GLIS3: variants seen among roughly 807,000 people sequenced by gnomAD.
GLIS3 encodes the protein GLIS family zinc finger 3, also known as zinc finger protein GLIS3.
A neutral mutation model predicts 78.6 loss-of-function variants in GLIS3; 53 were observed. The observed-to-expected ratio is 0.67, with a 90% confidence interval of 0.54 to 0.85. GLIS3 has a LOEUF of 0.85. Among genes scored for constraint, GLIS3 ranks in the 40% least tolerant of loss-of-function variants. GLIS3 has a pLI of 0.00. For synonymous variants in GLIS3, 684 were observed against 509.9 expected (o/e 1.34, Z -4.60); for missense variants, 1,703 against 1,231.1 (o/e 1.38, Z -5.74).
chr9:4,352,032 C>G (rs1817978210), upstream of GLIS3, among the ~76,000 whole-genome samples: 1 of 152,174 alleles, frequency 6.6e-6, no homozygotes, highest in Non-Finnish European at 1.5e-5. Context: ...TCTAAAATCT[C>G]TTTCTTTTCA....
intron 4 of GLIS3, among the ~76,000 whole-genome samples, chr9:4,041,510 T>C (rs1164092088): frequency 6.6e-6 from 1 of 152,222 alleles, no homozygotes; most frequent in African/African-American, 2.4e-5. Context: ...AATTCTGCCT[T>C]ACCAGAGCTC....
chr9:4,413,195 CAG>C, the GLIS3 span, among the ~76,000 whole-genome samples: 1 of 152,156 alleles, frequency 6.6e-6, no homozygotes, highest in East Asian at 1.9e-4. Context: ...CCCACTAACT[CAG>C]AGATTTTGGA....
chr9:3,931,710 G>T (rs907394841), intron 6 of GLIS3, among the ~76,000 whole-genome samples: 1 of 152,136 alleles, frequency 6.6e-6, no homozygotes, highest in Non-Finnish European at 1.5e-5. Context: ...AAGCCAGGTG[G>T]ACAGGATGGT....
rs796299518 is a variant in GLIS3 at position 3,962,948 on chromosome 9, G to T, written c.1711-25759C>A. 1.1e-3 allele frequency among the ~76,000 whole-genome samples: 66 copies of T among 57,784 alleles called. 1 individual carries two copies. Among genetic ancestry groups the T allele is most frequent in the African/African-American group, 4.9e-3 (55 of 11,126 alleles). The allele number at this position is 57,784 out of a possible 152,430, so 37.9% of individuals were successfully genotyped here. ...CCAACAAGATCTGCTGTGATTTAAG[G>T]GGGGGGGGGGGAGAGAGATTTATTG... On this transcript the variant is annotated intron_variant, in intron 4 of 10. Coordinates refer to ENST00000381971, the MANE Select transcript of GLIS3 (RefSeq NM_001042413.2).
intron 4 of GLIS3, among the ~76,000 whole-genome samples, chr9:4,091,673 G>A (rs556637497): frequency 2.6e-5 from 4 of 152,066 alleles, no homozygotes; most frequent in East Asian, 1.9e-4. Flanking sequence ...CCCTTCGCTC[G>A]ACTCTCACTT....
chr9:4,251,100 G>A (rs1174054285), intron 2 of GLIS3, among the ~76,000 whole-genome samples: 1 of 152,188 alleles, frequency 6.6e-6, no homozygotes, highest in Non-Finnish European at 1.5e-5. Flanking sequence ...GAGGTGGAGA[G>A]TTCTGTAAAT....
In GLIS3 at chr9:4,323,204, G is replaced by C. The variant is rs1372347638; in HGVS notation, n.265-12676C>G. Among the ~76,000 whole-genome samples, 3 of 152,070 alleles carry C rather than the reference G, an allele frequency of 2.0e-5. No individual in the cohort carries two copies. In the East Asian group the frequency reaches 5.8e-4, roughly 29 times the overall value. On this transcript the variant is annotated intron_variant and non_coding_transcript_variant, in intron 2 of 4. Coordinates refer to the GLIS3 transcript ENST00000471664. ...CCCATTGCTTGTTTTTCTCAGGTTTGTCAAAGATCAGATAGTTGTAGATGT... is the reference window on the plus strand; with the variant it reads ...CCCATTGCTTGTTTTTCTCAGGTTTCTCAAAGATCAGATAGTTGTAGATGT...
intron 4 of GLIS3, among the ~76,000 whole-genome samples, chr9:4,075,165 T>C (rs1165226076): frequency 6.8e-6 from 1 of 147,780 alleles, no homozygotes; most frequent in Non-Finnish European, 1.5e-5. Context: ...ACTGTGGCGA[T>C]GGTACCACGA....
intron 4 of GLIS3, among the ~76,000 whole-genome samples, chr9:3,966,744 C>T (rs141345054): frequency 0.022 from 3,343 of 150,822 alleles, 68 homozygotes; most frequent in Middle Eastern, 0.082. Context: ...GCTGAGATCG[C>T]GCCACTGCAC....
chr9:4,485,206 G>T, the GLIS3 span, among the ~76,000 whole-genome samples: 1 of 151,722 alleles, frequency 6.6e-6, no homozygotes, highest in East Asian at 1.9e-4. Context: ...GTAGAGACAG[G>T]GTTTCACCAT....
intron 4 of GLIS3, among the ~76,000 whole-genome samples, chr9:4,306,215 G>A (rs971268448): frequency 6.6e-6 from 1 of 152,080 alleles, no homozygotes; most frequent in Non-Finnish European, 1.5e-5. Context: ...AAGGAGCTGG[G>A]ACTACAGGTG....
In GLIS3 at chr9:3,907,653, C is replaced by CA. The variant is rs1263017597; in HGVS notation, c.1984-8819dup. On this transcript the variant is annotated intron_variant, in intron 6 of 10. Transcript: ENST00000381971. The stretch of plus-strand genomic sequence containing the variant: ...ACACACACACACACACACACACACA[C>CA]ACTACTAAACAGTGCTCCTTTGCCT... Among the ~76,000 whole-genome samples the CA allele has an allele frequency of 6.5e-4, 97 of 150,122 alleles. 1 individual carries two copies. The highest frequency in any genetic ancestry group is 1.0e-3 in the Non-Finnish European group (68 of 67,652).
intron 9 of GLIS3, among the ~76,000 whole-genome samples, chr9:3,850,823 G>A (rs980769279): frequency 3.3e-5 from 5 of 152,058 alleles, no homozygotes; most frequent in East Asian, 1.9e-4. Context: ...TGTCATTTCC[G>A]TTCTCACCTG....
rs147198504 is a variant in GLIS3, at chr9:4,231,994, G to C, written c.388+54044C>G. Among the ~76,000 whole-genome samples the C allele has an allele frequency of 1.3e-3, 192 of 152,216 alleles. 1 individual carries two copies. Among genetic ancestry groups the C allele is most frequent in the Non-Finnish European group, 1.6e-3 (109 of 68,006 alleles). ...CTTTTTTTGGGTAACCAGAAAGCAA[G>C]AAAAATAATTTCACTCAACATTTAG... On this transcript the variant is annotated intron_variant, in intron 2 of 10. Transcript: ENST00000381971.
chr9:4,056,088 T>C (rs528851504), intron 4 of GLIS3, among the ~76,000 whole-genome samples: 4 of 152,328 alleles, frequency 2.6e-5, no homozygotes, highest in African/African-American at 9.6e-5. Context: ...ATTGTAGGCA[T>C]CATCCAGCCC....
the GLIS3 span, among the ~76,000 whole-genome samples, chr9:4,396,778 A>T: frequency 3.9e-5 from 6 of 152,154 alleles, no homozygotes. Context: ...CCTTTCATGG[A>T]ACCCAGGTTA....
chr9:4,310,749 G>C (rs1355910556), intron 2 of GLIS3, among the ~76,000 whole-genome samples: 1 of 152,150 alleles, frequency 6.6e-6, no homozygotes, highest in Non-Finnish European at 1.5e-5. Flanking sequence ...GGTCTTAGGA[G>C]GATTTTTTGG....
chr9:3,921,393 C>G (rs1824878532), intron 6 of GLIS3, among the ~76,000 whole-genome samples: 2 of 152,208 alleles, frequency 1.3e-5, no homozygotes, highest in African/African-American at 2.4e-5. Flanking sequence ...ACCGGAAGCT[C>G]AGAGAAGCTA....
chr9:4,180,412 T>C (rs960056370), intron 2 of GLIS3, among the ~76,000 whole-genome samples: 4 of 152,146 alleles, frequency 2.6e-5, no homozygotes, highest in Non-Finnish European at 5.9e-5. Context: ...GCTTGGGCTG[T>C]TTAGCTGCTC....
Sources: allele counts gnomAD v4.1 joint callset (sites outside exome capture counted in the v4.1 genomes callset), GRCh38; gene constraint gnomAD v4.1.1; transcripts MANE v1.5; gene names NCBI Gene and HGNC (gene_info 2026-07-23, HGNC 2026-07-21).